The following ALDH1A2 variants were observed in gnomAD, a reference collection of about 807,000 sequenced individuals.
The protein encoded by ALDH1A2 is aldehyde dehydrogenase 1 family member A2.
ALDH1A2 carries 27 observed loss-of-function variants against 60.3 expected under a neutral mutation model. The ratio of observed to expected loss-of-function variants is 0.45; its 90% CI spans 0.33 to 0.62. The LOEUF is 0.62. ALDH1A2 is among the 20% of genes least tolerant of loss of function. ALDH1A2 has a pLI of 0.02. For missense variants in ALDH1A2, 581 were observed against 643.8 expected (o/e 0.90, Z 1.06); for synonymous variants, 289 against 232.4 (o/e 1.24, Z -2.21).
In ALDH1A2 at chr15:58,018,025, C is replaced by A. The variant is rs545989987; in HGVS notation, c.118-3744G>T. On this transcript the variant is annotated intron_variant, in intron 1 of 12. Transcript: ENST00000249750. ...GGTCAGTACTTGAATGTTTGCAGCT[C>A]TCTAGGCAATGTCGAAAGTTTTGAA... Among the ~76,000 whole-genome samples, 6 of 152,252 alleles carry A rather than the reference C, an allele frequency of 3.9e-5. No individual in the cohort carries two copies. The East Asian group carries it at 9.6e-4, about 24-fold the overall frequency.
At chr15:58,064,516 C>T (rs1316503826) in intron 1 of ALDH1A2, among the ~76,000 whole-genome samples, 4 of 152,212 alleles carry the variant, frequency 2.6e-5, no homozygotes, top group African/African-American at 9.7e-5. Context: ...CGATGGAATA[C>T]ATCTTTAATC....
intron 1 of ALDH1A2, among the ~76,000 whole-genome samples, chr15:58,019,581 AG>A (rs1340554657): frequency 1.3e-5 from 2 of 152,226 alleles, no homozygotes. Flanking sequence ...CTGTAACCGA[AG>A]GTAAAAAGAA....
chr15:57,976,211 G>A (rs1390424831), intron 7 of ALDH1A2, among the ~76,000 whole-genome samples: 1 of 152,192 alleles, frequency 6.6e-6, no homozygotes, highest in African/African-American at 2.4e-5. Context: ...GTTTGAAGGA[G>A]TGGCCACCAC....
At chr15:58,048,236 G>A (rs1896681989) in intron 1 of ALDH1A2, among the ~76,000 whole-genome samples, 1 of 152,062 alleles carries the variant, frequency 6.6e-6, no homozygotes, top group Non-Finnish European at 1.5e-5. Context: ...AAGTGATTGT[G>A]CCAGAGTAAG....
chr15:57,960,900 G>T, intron 11 of ALDH1A2, 56 bp from the exon 12 acceptor site: 2 of 1,505,902 alleles, frequency 1.3e-6, no homozygotes, highest in South Asian at 2.3e-5. Flanking sequence ...CACATAATCT[G>T]ACTGGCATGG....
chr15:57,971,553 G>A (rs1462309028), intron 7 of ALDH1A2, among the ~76,000 whole-genome samples: 1 of 151,752 alleles, frequency 6.6e-6, no homozygotes, highest in Non-Finnish European at 1.5e-5. Context: ...AGCCTGAGTA[G>A]CTGGGACTAC....
intron 7 of ALDH1A2, among the ~76,000 whole-genome samples, chr15:57,984,714 A>C (rs1263920073): frequency 2.0e-5 from 3 of 152,238 alleles, no homozygotes; most frequent in Non-Finnish European, 4.4e-5. Flanking sequence ...ATGGGTGAAC[A>C]GTATTCCATT....
chr15:57,960,877 T>A, intron 11 of ALDH1A2, 33 bp from the exon 12 acceptor site: 2 of 1,589,448 alleles, frequency 1.3e-6, no homozygotes, highest in Middle Eastern at 1.7e-4. Flanking sequence ...TGTGAGTTCG[T>A]GTGAAGTCTG....
rs34575484 is a variant in ALDH1A2 at position 58,049,073 on chromosome 15, T to C, written c.117+16461A>G. Among the ~76,000 whole-genome samples, 980 of 152,226 alleles carry C rather than the reference T, an allele frequency of 6.4e-3. 15 individuals are homozygous for C. Among genetic ancestry groups the C allele is most frequent in the African/African-American group, 0.022 (897 of 41,554 alleles). ...AGAATTTCATATGAATGGAATCACA[T>C]AGTAAGTACCCTTTTCTGTTCTTTC... On this transcript the variant is annotated intron_variant, in intron 1 of 12. Transcript: ENST00000249750.
At chr15:58,049,144 T>C (rs567862455) in intron 1 of ALDH1A2, among the ~76,000 whole-genome samples, 1 of 152,268 alleles carries the variant, frequency 6.6e-6, no homozygotes, top group East Asian at 1.9e-4. Context: ...ATGTATCTTG[T>C]GGTTTGGTTC....
At chr15:57,987,574 A>G (rs368684937) in intron 7 of ALDH1A2, among the ~76,000 whole-genome samples, 3 of 150,896 alleles carry the variant, frequency 2.0e-5, no homozygotes, top group African/African-American at 7.3e-5. Context: ...CAGAAAAAAA[A>G]GTTAGTTATT....
At chr15:58,061,663 C>G (rs895698016) in intron 1 of ALDH1A2, among the ~76,000 whole-genome samples, 1 of 146,914 alleles carries the variant, frequency 6.8e-6, no homozygotes, top group African/African-American at 2.5e-5. Flanking sequence ...TGCCACAGAC[C>G]GTTAGAAAAA....
At chr15:57,994,584 C>G (rs1306899785) in intron 5 of ALDH1A2, among the ~76,000 whole-genome samples, 1 of 152,158 alleles carries the variant, frequency 6.6e-6, no homozygotes, top group Non-Finnish European at 1.5e-5. Context: ...AGACACATAA[C>G]AGCTCGGCAT....
intron 12 of ALDH1A2, among the ~76,000 whole-genome samples, chr15:57,956,973 T>C (rs1270627893): frequency 6.6e-6 from 1 of 152,196 alleles, no homozygotes; most frequent in Non-Finnish European, 1.5e-5. Flanking sequence ...TGTGATGCAA[T>C]GGAAAACCCT....
intron 7 of ALDH1A2, among the ~76,000 whole-genome samples, chr15:57,986,570 CCAAAAA>C (rs1894707554): frequency 1.1e-4 from 1 of 9,482 alleles, no homozygotes; most frequent in Non-Finnish European, 2.5e-4. Context: ...AACAGAAAAG[CCAAAAA>C]AAAAAAAAAA....
chr15:58,055,196 GA>G (rs1389205597), intron 1 of ALDH1A2, among the ~76,000 whole-genome samples: 5 of 151,956 alleles, frequency 3.3e-5, no homozygotes, highest in Non-Finnish European at 5.9e-5. Context: ...TGTTGAGCCT[GA>G]AAAAACTAAC....
At chr15:58,028,531 G>A (rs1433028841) in intron 1 of ALDH1A2, among the ~76,000 whole-genome samples, 3 of 152,148 alleles carry the variant, frequency 2.0e-5, no homozygotes, top group South Asian at 2.1e-4. Flanking sequence ...ATAATGACAG[G>A]ATCAAATTCA....
At chr15:58,056,709 A>T (rs1299615939) in intron 1 of ALDH1A2, among the ~76,000 whole-genome samples, 1 of 152,170 alleles carries the variant, frequency 6.6e-6, no homozygotes, top group Non-Finnish European at 1.5e-5. Context: ...CAAATCAGTA[A>T]ATACACAACA....
At chr15:57,975,814 G>A (rs1450482448) in intron 7 of ALDH1A2, among the ~76,000 whole-genome samples, 1 of 152,010 alleles carries the variant, frequency 6.6e-6, no homozygotes, top group Admixed American at 6.6e-5. Flanking sequence ...TGGGAATGTG[G>A]GGGTGGGGGT....
Sources: gnomAD v4.1 joint callset for allele counts (sites outside exome capture counted in the v4.1 genomes callset) on GRCh38, gnomAD v4.1.1 for gene constraint, MANE v1.5 for transcripts, NCBI Gene and HGNC (gene_info 2026-07-23, HGNC 2026-07-21) for gene names.